GNA15: variants seen among roughly 807,000 people sequenced by gnomAD.
GNA15 encodes the protein G protein subunit alpha 15.
A neutral mutation model predicts 40.1 loss-of-function variants in GNA15; 23 were observed. The observed-to-expected ratio is 0.57, with a 90% CI of 0.41 to 0.81. The LOEUF is 0.81. GNA15 is among the 40% of genes least tolerant of loss of function. GNA15 has a pLI of 0.00. For missense variants in GNA15, 522 were observed against 515.8 expected (o/e 1.01, Z -0.12); for synonymous variants, 226 against 210.4 (o/e 1.07, Z -0.64).
At chr19:3,156,111 A>G (rs1915007346) in intron 5 of GNA15, among the ~76,000 whole-genome samples, 159 bp downstream of exon 5, 1 of 151,808 alleles carries the variant, frequency 6.6e-6, no homozygotes, top group Admixed American at 6.6e-5. Context: ...TTGTGGTCAG[A>G]TTGCAGCAAC....
intron 1 of GNA15, chr19:3,143,158 T>C (rs4997584): frequency 0.47 from 70,651 of 151,842 alleles, 16,795 homozygotes; most frequent in African/African-American, 0.51. Context: ...TGACCCAAAT[T>C]AAGTCACTAA....
intron 3 of GNA15, among the ~76,000 whole-genome samples, chr19:3,150,613 G>A (rs542697615): frequency 7.8e-4 from 118 of 152,212 alleles, no homozygotes; most frequent in Non-Finnish European, 1.4e-3. Flanking sequence ...TGTTCCTGAG[G>A]GAATCCAGTT....
intron 2 of GNA15, 150 bp from the exon 3 acceptor site, chr19:3,149,981 T>C: frequency 1.6e-6 from 1 of 621,506 alleles, no homozygotes; most frequent in South Asian, 2.0e-5. Flanking sequence ...AAATCAGAAG[T>C]GTGCGGGGGG....
Position 3,151,719 on chromosome 19 carries a change from C to T in GNA15, c.498C>T (p.His166=), listed in dbSNP as rs1259976229. 6.2e-7 allele frequency: 1 copy of T among 1,602,490 alleles called. No individual in the cohort carries two copies. Among genetic ancestry groups the T allele is most frequent in the Non-Finnish European group, 8.5e-7 (1 of 1,175,006 alleles). ...CCTTGCTCTGCAGCTACCTGTCCCACCTGGAGCGCATCACCGAGGAGGGCT... is the reference window on the plus strand; with the variant it reads ...CCTTGCTCTGCAGCTACCTGTCCCATCTGGAGCGCATCACCGAGGAGGGCT... ...LLDSAVYYLS[H]LERITEEGYV... The change falls in exon 4 of 7, where the codon CAC becomes CAT. Residue 166 remains histidine, a synonymous_variant. Transcript: ENST00000262958. This position sits in a 1 kb window ranked among gnomAD's most constrained non-coding sequence, Gnocchi z 5.0.
Position 3,148,641 on chromosome 19 carries a change from C to A in GNA15, c.196C>A (p.His66Asn). The A allele has an allele frequency of 6.3e-7, 1 of 1,588,460 alleles. No homozygotes were observed. The highest frequency in any genetic ancestry group is 1.3e-5 in the African/African-American group (1 of 74,538). Reference protein sequence around the residue: ...STFIKQMRIIHGAGYSEEERK... With the variant: ...STFIKQMRIINGAGYSEEERK... ...CTTCATCAAGCAGATGCGGATCATC[C>A]ACGGCGCCGGCTACTCGGAGGAGGA... is the stretch of plus-strand genomic sequence containing the variant. The change falls in exon 2 of 7, where the codon CAC becomes AAC. Residue 66 changes from histidine to asparagine, a missense_variant. Physicochemically the swap from His to Asn is moderately conservative, Grantham distance 68. Transcript: ENST00000262958.
chr19:3,149,294 C>G (rs1914820111), intron 2 of GNA15: 1 of 164,164 alleles, frequency 6.1e-6, no homozygotes, highest in Admixed American at 6.0e-5. Context: ...CACACATGCA[C>G]ATACACAAAC....
intron 5 of GNA15, among the ~76,000 whole-genome samples, chr19:3,156,208 G>GCACA (rs1555707146): frequency 7.8e-6 from 1 of 128,908 alleles, no homozygotes; most frequent in Non-Finnish European, 1.6e-5. Flanking sequence ...ACACACTACA[G>GCACA]TGCACACACG....
At chr19:3,139,771 C>T (rs1333952249) in intron 1 of GNA15, among the ~76,000 whole-genome samples, 1 of 151,976 alleles carries the variant, frequency 6.6e-6, no homozygotes, top group East Asian at 1.9e-4. Flanking sequence ...TGCGGTGGCT[C>T]ACGCCTGCAA....
chr19:3,148,202 C>A (rs960401231), intron 1 of GNA15, among the ~76,000 whole-genome samples: 4 of 152,054 alleles, frequency 2.6e-5, no homozygotes, highest in African/African-American at 9.7e-5. Flanking sequence ...GATTCTCCTG[C>A]CTCAGCCTCC....
chr19:3,152,760 T>C (rs1376225401), intron 4 of GNA15, among the ~76,000 whole-genome samples: 1 of 152,064 alleles, frequency 6.6e-6, no homozygotes. Flanking sequence ...ACAGCGATTG[T>C]GTTTGACCTA....
chr19:3,137,268 G>T (rs1198940558), intron 1 of GNA15, among the ~76,000 whole-genome samples: 1 of 152,192 alleles, frequency 6.6e-6, no homozygotes, highest in African/African-American at 2.4e-5. Flanking sequence ...CTGGCAACAA[G>T]AATTATCTAG....
chr19:3,141,195 C>G (rs1032856507), intron 1 of GNA15, among the ~76,000 whole-genome samples: 1 of 151,966 alleles, frequency 6.6e-6, no homozygotes, highest in African/African-American at 2.4e-5. Flanking sequence ...GTGGCACATA[C>G]CTGTAGTCCC....
chr19:3,136,736 C>T lies in GNA15; in HGVS notation c.145+141C>T, dbSNP rs1469732300. ...TCGCCTCCTCCCAGGGAATGGGGAGCCTGGAACCCATTTTCCAGATGAGAA... is the reference window on the plus strand; with the variant it reads ...TCGCCTCCTCCCAGGGAATGGGGAGTCTGGAACCCATTTTCCAGATGAGAA... On this transcript the variant is annotated intron_variant, in intron 1 of 6. Coordinates refer to ENST00000262958, the MANE Select transcript of GNA15 (RefSeq NM_002068.4). This position sits in a 1 kb window ranked among gnomAD's most constrained non-coding sequence, Gnocchi z 4.9. The T allele has an allele frequency of 1.3e-6, 1 of 762,482 alleles. No homozygotes were observed. Among genetic ancestry groups the T allele is most frequent in the African/African-American group, 1.8e-5 (1 of 56,512 alleles). The allele number at this position is 762,482 out of a possible 1,614,324, so 47.2% of individuals were successfully genotyped here. A position where few individuals can be genotyped will look rare whatever the true frequency, so the allele number is the denominator to read the frequency against.
At chr19:3,157,970 G>A (rs1341245221) in intron 6 of GNA15, 89 bp downstream of exon 6, 3 of 1,069,424 alleles carry the variant, frequency 2.8e-6, no homozygotes, top group Admixed American at 1.9e-5. Flanking sequence ...TCAGCCTGGA[G>A]TCACCGGAAC....
intron 5 of GNA15, among the ~76,000 whole-genome samples, chr19:3,156,804 CTT>C (rs1003684722): frequency 3.3e-5 from 5 of 152,174 alleles, no homozygotes; most frequent in East Asian, 1.9e-4. Context: ...CCAATAGCCT[CTT>C]TTAATAAGTA....
In GNA15 at chr19:3,136,747, T is replaced by C; in HGVS notation, c.145+152T>C. The C allele has an allele frequency of 1.4e-6, 1 of 736,328 alleles. No homozygotes were observed. The highest frequency in any genetic ancestry group is 2.2e-6 in the Non-Finnish European group (1 of 462,918). The allele number at this position is 736,328 out of a possible 1,614,324, so 45.6% of individuals were successfully genotyped here. A position where few individuals can be genotyped will look rare whatever the true frequency, so the allele number is the denominator to read the frequency against. ...CAGGGAATGGGGAGCCTGGAACCCA[T>C]TTTCCAGATGAGAAAGACTGAGGTT... On this transcript the variant is annotated intron_variant, in intron 1 of 6. Coordinates refer to ENST00000262958, the MANE Select transcript of GNA15 (RefSeq NM_002068.4). This position sits in a 1 kb window ranked among gnomAD's most constrained non-coding sequence, Gnocchi z 4.9.
In GNA15 at chr19:3,136,212, AC is replaced by A. The variant is rs1914453452; in HGVS notation, c.-237del. ...GTGGGCGGGGAGCCCTGGCCTCCCC[AC>A]CTCCTCCCGTCCCCACCCTGTTCCC... is the stretch of plus-strand genomic sequence containing the variant. On this transcript the variant is annotated 5_prime_UTR_variant, in exon 1 of 7. Transcript: ENST00000262958. The surrounding 1 kb of genome is among the most constrained non-coding windows in gnomAD (Gnocchi z 4.9). The A allele has an allele frequency of 4.6e-6, 2 of 438,580 alleles. No homozygotes were observed. The highest frequency in any genetic ancestry group is 4.3e-5 in the African/African-American group (2 of 46,568). The allele number at this position is 438,580 out of a possible 1,614,324, so 27.2% of individuals were successfully genotyped here.
Position 3,150,702 on chromosome 19 carries a change from C to A in GNA15, c.485+417C>A, listed in dbSNP as rs114364868. Among the ~76,000 whole-genome samples the A allele has an allele frequency of 3.8e-3, 578 of 151,930 alleles. 2 individuals carry two copies. Among genetic ancestry groups the A allele is most frequent in the African/African-American group, 0.013 (555 of 41,456 alleles). On this transcript the variant is annotated intron_variant, in intron 3 of 6. Coordinates refer to ENST00000262958, the MANE Select transcript of GNA15 (RefSeq NM_002068.4). ...CTGGGGTTCCCTGTTCCTGCGAGGA[C>A]CCTGTTTCAGGGGTGACCCTGTTCC...
intron 3 of GNA15, among the ~76,000 whole-genome samples, 172 bp downstream of exon 3, chr19:3,150,457 T>G (rs574292066): frequency 6.6e-6 from 1 of 152,112 alleles, no homozygotes; most frequent in Admixed American, 6.5e-5. Context: ...GACCCTGTTC[T>G]GGGGGTGACC....
Sources: allele counts gnomAD v4.1 joint callset (sites outside exome capture counted in the v4.1 genomes callset), GRCh38; gene constraint gnomAD v4.1.1; non-coding constraint Gnocchi (gnomAD v3.1); transcripts MANE v1.5; gene names NCBI Gene and HGNC (gene_info 2026-07-23, HGNC 2026-07-21).